Variants in THEMIS observed in about 807,000 individuals in gnomAD.
The protein encoded by THEMIS is thymocyte selection associated.
In THEMIS, 37 loss-of-function variants were observed where a neutral mutation model predicts 52.6. The ratio of observed to expected loss-of-function variants is 0.70; its 90% CI spans 0.54 to 0.93. THEMIS has a LOEUF of 0.93. Among genes scored for constraint, THEMIS ranks in the 40% least tolerant of loss-of-function variants. THEMIS has a pLI of 0.00. For missense variants in THEMIS, 808 were observed against 763.1 expected (o/e 1.06, Z -0.69); for synonymous variants, 292 against 272.7 (o/e 1.07, Z -0.70).
At chr6:127,772,218 GATA>G (rs1370505825) in intron 4 of THEMIS, among the ~76,000 whole-genome samples, 6 of 151,708 alleles carry the variant, frequency 4.0e-5, no homozygotes, top group African/African-American at 1.5e-4. Flanking sequence ...TAATAAGACA[GATA>G]ATGTTAAGTG....
intron 2 of THEMIS, among the ~76,000 whole-genome samples, chr6:127,840,968 G>A (rs897629335): frequency 3.9e-5 from 6 of 152,056 alleles, no homozygotes; most frequent in Non-Finnish European, 5.9e-5. Flanking sequence ...AGTAGGCGGA[G>A]CACAAAGGAT....
intron 1 of THEMIS, among the ~76,000 whole-genome samples, chr6:127,888,272 G>A (rs270020): frequency 0.53 from 80,820 of 151,810 alleles, 22,370 homozygotes; most frequent in East Asian, 0.79. Flanking sequence ...GAGAAAAAAT[G>A]GAGGGTTTTT....
chr6:127,883,813 G>A lies in THEMIS; in HGVS notation c.91+17029C>T, dbSNP rs56147226. Reference sequence around the variant, plus strand: ...GCACATTTAAGGTAGGCTAGGCTACGTTATAATGTTTAGTAGGTTAGGTGT... The same window carrying A: ...GCACATTTAAGGTAGGCTAGGCTACATTATAATGTTTAGTAGGTTAGGTGT... On this transcript the variant is annotated intron_variant, in intron 1 of 5. Transcript: ENST00000368248. Among the ~76,000 whole-genome samples the A allele has an allele frequency of 5.0e-3, 758 of 152,162 alleles. 5 individuals carry two copies. The highest frequency in any genetic ancestry group is 0.017 in the African/African-American group (711 of 41,512).
At chr6:127,777,099 G>A (rs1283399463) in intron 4 of THEMIS, among the ~76,000 whole-genome samples, 1 of 150,294 alleles carries the variant, frequency 6.7e-6, no homozygotes, top group Admixed American at 6.6e-5. Context: ...TTTTATTTAC[G>A]TTGAAAATTT....
intron 4 of THEMIS, among the ~76,000 whole-genome samples, chr6:127,769,198 C>A (rs1313268183): frequency 6.6e-6 from 1 of 152,142 alleles, no homozygotes; most frequent in Non-Finnish European, 1.5e-5. Flanking sequence ...TTTAATCAAA[C>A]ATTTTTAAGA....
At chr6:127,877,275 T>C (rs1169225640) in intron 1 of THEMIS, among the ~76,000 whole-genome samples, 2 of 152,224 alleles carry the variant, frequency 1.3e-5, no homozygotes, top group Non-Finnish European at 2.9e-5. Flanking sequence ...GCTGTTTTTC[T>C]TTCTTATCAT....
intron 1 of THEMIS, among the ~76,000 whole-genome samples, chr6:127,907,411 G>T (rs1167930166): frequency 8.1e-6 from 1 of 122,810 alleles, no homozygotes; most frequent in Non-Finnish European, 1.6e-5. Context: ...TGTGACACCT[G>T]GCAGCTCAAG....
At chr6:127,843,204 T>C (rs1018090899) in intron 2 of THEMIS, among the ~76,000 whole-genome samples, 1 of 152,044 alleles carries the variant, frequency 6.6e-6, no homozygotes, top group African/African-American at 2.4e-5. Flanking sequence ...TTTTTAACAT[T>C]ACAATGCTAC....
rs200084342 is a variant in THEMIS at position 127,855,217 on chromosome 6, T to C, written c.92-29A>G. On this transcript the variant is annotated intron_variant, in intron 1 of 5. Transcript: ENST00000368248. ...AAAGGAAAGAAAAGTTAAAACAGCTTTTTAAAAAGAAAACAGTGAAAAACA... is the reference window on the plus strand; with the variant it reads ...AAAGGAAAGAAAAGTTAAAACAGCTCTTTAAAAAGAAAACAGTGAAAAACA... The C allele has an allele frequency of 7.4e-5, 115 of 1,546,682 alleles. No individual in the cohort carries two copies. The East Asian group carries it at 2.6e-3, about 35-fold the overall frequency.
chr6:127,814,584 T>C (rs535536103), intron 3 of THEMIS, among the ~76,000 whole-genome samples: 1 of 152,202 alleles, frequency 6.6e-6, no homozygotes, highest in South Asian at 2.1e-4. Context: ...TCTCCACTGG[T>C]GTTATATTAT....
chr6:127,878,550 A>C (rs1780384224), intron 1 of THEMIS, among the ~76,000 whole-genome samples: 1 of 152,198 alleles, frequency 6.6e-6, no homozygotes, highest in Non-Finnish European at 1.5e-5. Context: ...GATAGCTATC[A>C]TCTACTTTCA....
intron 4 of THEMIS, among the ~76,000 whole-genome samples, chr6:127,729,313 C>T (rs537771036): frequency 2.2e-4 from 33 of 151,982 alleles, no homozygotes; most frequent in Non-Finnish European, 2.1e-4. Flanking sequence ...ACATGTGGTT[C>T]CTCAGTGTTG....
chr6:127,754,326 C>T (rs1280901644), intron 4 of THEMIS, among the ~76,000 whole-genome samples: 1 of 152,106 alleles, frequency 6.6e-6, no homozygotes, highest in Admixed American at 6.6e-5. Context: ...TATTTTCAAA[C>T]GAACTCATAT....
intron 1 of THEMIS, among the ~76,000 whole-genome samples, chr6:127,869,550 G>T (rs1406222844): frequency 1.3e-5 from 2 of 152,162 alleles, no homozygotes; most frequent in African/African-American, 2.4e-5. Flanking sequence ...TACTAAGTTG[G>T]GGGCTGTCTG....
chr6:127,852,697 A>T (rs938126783), intron 2 of THEMIS, among the ~76,000 whole-genome samples: 28 of 151,540 alleles, frequency 1.8e-4, no homozygotes, highest in African/African-American at 6.3e-4. Flanking sequence ...TGCTATTAAA[A>T]TTTTTGAATA....
intron 4 of THEMIS, among the ~76,000 whole-genome samples, chr6:127,755,668 T>G (rs1052055685): frequency 6.6e-6 from 1 of 152,308 alleles, no homozygotes; most frequent in East Asian, 1.9e-4. Context: ...AGGATCCATG[T>G]AATCAAAGTG....
intron 3 of THEMIS, among the ~76,000 whole-genome samples, chr6:127,824,500 C>T (rs1040237215): frequency 1.3e-5 from 2 of 151,986 alleles, no homozygotes; most frequent in African/African-American, 4.8e-5. Flanking sequence ...CTTACTTGTA[C>T]ATTTTTGTTT....
chr6:127,863,998 T>C (rs1177507849), intron 1 of THEMIS, among the ~76,000 whole-genome samples: 1 of 152,150 alleles, frequency 6.6e-6, no homozygotes. Context: ...GACATAAGGA[T>C]TATTTCCCCA....
chr6:127,733,392 T>C (rs1475831677), intron 4 of THEMIS, among the ~76,000 whole-genome samples: 1 of 152,200 alleles, frequency 6.6e-6, no homozygotes, highest in Non-Finnish European at 1.5e-5. Context: ...TTGTGAGATT[T>C]GGTTTTGTTT....
Sources: allele counts gnomAD v4.1 joint callset (sites outside exome capture counted in the v4.1 genomes callset), GRCh38; gene constraint gnomAD v4.1.1; transcripts MANE v1.5; gene names NCBI Gene and HGNC (gene_info 2026-07-23, HGNC 2026-07-21).